SIDT1: variants seen among roughly 807,000 people sequenced by gnomAD.
SIDT1 encodes SID1 transmembrane family, member 1.
In SIDT1, 101 loss-of-function variants were observed where a neutral mutation model predicts 107.5. That is an observed-to-expected ratio of 0.94 (90% CI 0.80 to 1.11). SIDT1 has a LOEUF of 1.11. Ranked by LOEUF, SIDT1 falls within the 50% of genes least tolerant of loss-of-function variation. The pLI, the probability that SIDT1 is intolerant of heterozygous loss-of-function variation, is 0.00. For missense variants in SIDT1, 1,076 were observed against 1,058.2 expected (o/e 1.02, Z -0.23); for synonymous variants, 395 against 398.2 (o/e 0.99, Z 0.10).
At chr3:113,559,224 G>A (rs1006411398) in intron 1 of SIDT1, among the ~76,000 whole-genome samples, 11 of 152,188 alleles carry the variant, frequency 7.2e-5, no homozygotes, top group Non-Finnish European at 1.2e-4. Flanking sequence ...ATGCTTAAAT[G>A]TAATGTGAAC....
chr3:113,634,099 C>G (rs1947109384), downstream of SIDT1, among the ~76,000 whole-genome samples: 1 of 152,114 alleles, frequency 6.6e-6, no homozygotes, highest in Non-Finnish European at 1.5e-5. Context: ...CAGTTTTAAT[C>G]TCAGCAGAAA....
chr3:113,620,439 G>A (rs6785169), intron 21 of SIDT1, among the ~76,000 whole-genome samples: 1 of 151,852 alleles, frequency 6.6e-6, no homozygotes, highest in East Asian at 1.9e-4. Flanking sequence ...CCATAAGTAA[G>A]TTTAACTGCT....
At chr3:113,622,046 G>A (rs1946493789) in intron 21 of SIDT1, among the ~76,000 whole-genome samples, 1 of 152,162 alleles carries the variant, frequency 6.6e-6, no homozygotes, top group African/African-American at 2.4e-5. Flanking sequence ...TAATAAAATA[G>A]TGAGGCACCG....
intron 1 of SIDT1, among the ~76,000 whole-genome samples, chr3:113,554,054 A>G (rs1283416894): frequency 1.3e-5 from 2 of 152,160 alleles, no homozygotes; most frequent in African/African-American, 4.8e-5. Flanking sequence ...TTCCATCTCA[A>G]AAAAGAAAAG....
At chr3:113,607,019 C>T (rs758778058) in intron 14 of SIDT1, 22 bp from the exon 15 acceptor site, 14 of 1,537,476 alleles carry the variant, frequency 9.1e-6, no homozygotes, top group South Asian at 6.7e-5. Context: ...CACATTTCCT[C>T]TTCTCACTCT....
chr3:113,562,613 A>T (rs1205471041), intron 1 of SIDT1, among the ~76,000 whole-genome samples: 1 of 152,230 alleles, frequency 6.6e-6, no homozygotes. Flanking sequence ...AATAAGCTGG[A>T]TAGAGAAGGA....
Position 113,611,164 on chromosome 3 carries a change from C to T in SIDT1, c.1857+20C>T, listed in dbSNP as rs1288289974. 6.2e-7 allele frequency: 1 copy of T among 1,610,786 alleles called. No homozygotes were observed. The highest frequency in any genetic ancestry group is 2.2e-5 in the East Asian group (1 of 44,822). On this transcript the variant is annotated intron_variant, in intron 18 of 24. Transcript: ENST00000264852. The stretch of plus-strand genomic sequence containing the variant: ...GGAGTGGTGCGTCCCCCACCTTCTT[C>T]CACCTGGCTCTCGAAAAGTGCCCCC...
At chr3:113,621,849 G>T (rs772767068) in intron 21 of SIDT1, among the ~76,000 whole-genome samples, 1 of 152,220 alleles carries the variant, frequency 6.6e-6, no homozygotes, top group Non-Finnish European at 1.5e-5. Flanking sequence ...CTGGAGTGAT[G>T]TAATTGTTTC....
chr3:113,627,717 C>G lies in SIDT1; in HGVS notation c.*9C>G. On this transcript the variant is annotated 3_prime_UTR_variant, in exon 25 of 25. Transcript: ENST00000264852. ...AGATCCCTGTCTTCTGAACCTCCAACATTAAGAGAGGGGAGGGAGCGATCA... is the reference window on the plus strand; with the variant it reads ...AGATCCCTGTCTTCTGAACCTCCAAGATTAAGAGAGGGGAGGGAGCGATCA... 1 of 1,612,914 alleles carries G rather than the reference C, an allele frequency of 6.2e-7. No homozygotes were observed. The highest frequency in any genetic ancestry group is 8.5e-7 in the Non-Finnish European group (1 of 1,179,610).
At position 113,626,385 on chromosome 3, in the gene SIDT1, C is replaced by T. The variant is rs1226281458; in HGVS notation, c.2421+170C>T. Among the ~76,000 whole-genome samples, 3 of 151,660 alleles carry T rather than the reference C, an allele frequency of 2.0e-5. No homozygotes were observed. In the East Asian group the frequency reaches 5.8e-4, roughly 29 times the overall value. ...TTATTTCTTTCATAAATTTTATATCCTTTGGTTAGATCTTTAGTTTTTCTT... is the reference window on the plus strand; with the variant it reads ...TTATTTCTTTCATAAATTTTATATCTTTTGGTTAGATCTTTAGTTTTTCTT... On this transcript the variant is annotated intron_variant, in intron 24 of 24. Coordinates refer to ENST00000264852, the MANE Select transcript of SIDT1 (RefSeq NM_017699.3).
chr3:113,568,702 C>T (rs554988766), intron 3 of SIDT1, among the ~76,000 whole-genome samples: 1 of 152,170 alleles, frequency 6.6e-6, no homozygotes, highest in South Asian at 2.1e-4. Flanking sequence ...TTTGAAAGGC[C>T]TACATTCCAC....
chr3:113,538,604 T>C (rs375809500), intron 1 of SIDT1, among the ~76,000 whole-genome samples: 1 of 152,264 alleles, frequency 6.6e-6, no homozygotes, highest in East Asian at 1.9e-4. Flanking sequence ...AAATTAACTA[T>C]ATCTGTTTCT....
chr3:113,636,181 G>A, the SIDT1 span, among the ~76,000 whole-genome samples: 1 of 152,052 alleles, frequency 6.6e-6, no homozygotes, highest in Non-Finnish European at 1.5e-5. Flanking sequence ...GAGGGGGCCA[G>A]ATCACTTGAG....
chr3:113,610,434 G>A (rs1431989140), intron 17 of SIDT1, among the ~76,000 whole-genome samples: 1 of 152,176 alleles, frequency 6.6e-6, no homozygotes, highest in East Asian at 1.9e-4. Context: ...TCAAGTTTTT[G>A]AGTAAAATGG....
At chr3:113,588,495 G>C (rs1292246338) in intron 9 of SIDT1, among the ~76,000 whole-genome samples, 5 of 152,182 alleles carry the variant, frequency 3.3e-5, no homozygotes, top group Admixed American at 6.5e-5. Context: ...CGTGCTATGA[G>C]ATCAGGATAA....
At chr3:113,556,172 G>T (rs1201063408) in intron 1 of SIDT1, among the ~76,000 whole-genome samples, 2 of 152,118 alleles carry the variant, frequency 1.3e-5, no homozygotes, top group Non-Finnish European at 2.9e-5. Flanking sequence ...TAAAATCTAG[G>T]TCTATATATC....
intron 21 of SIDT1, among the ~76,000 whole-genome samples, chr3:113,622,605 T>G (rs974270886): frequency 9.9e-5 from 15 of 152,114 alleles, no homozygotes; most frequent in Non-Finnish European, 2.1e-4. Flanking sequence ...TTAGCATTAA[T>G]TTTAAAACCA....
intron 1 of SIDT1, among the ~76,000 whole-genome samples, chr3:113,545,633 C>G (rs1939503418): frequency 6.6e-6 from 1 of 152,176 alleles, no homozygotes. Context: ...CTTGCCTGTT[C>G]CATCATCCAG....
Position 113,533,202 on chromosome 3 carries a change from G to A in SIDT1, c.181G>A (p.Glu61Lys). Residue 61 changes from glutamate (E) to lysine (K), a missense_variant, in exon 1 of 25, where the codon GAG (glutamate) becomes AAG (lysine). Transcript: ENST00000264852. ...CAGCGGGGTGGTGAACCTCAGCACC[G>A]AGAACATCTACTCTTTCAACTACAC... Reference protein sequence around the residue: ...VYSGVVNLSTENIYSFNYTSQ... With the variant: ...VYSGVVNLSTKNIYSFNYTSQ... 6.5e-7 allele frequency: 1 copy of A among 1,541,764 alleles called. No individual in the cohort carries two copies. Among genetic ancestry groups the A allele is most frequent in the Non-Finnish European group, 8.7e-7 (1 of 1,144,946 alleles).
Sources: allele counts gnomAD v4.1 joint callset (sites outside exome capture counted in the v4.1 genomes callset), GRCh38; gene constraint gnomAD v4.1.1; transcripts MANE v1.5; gene names NCBI Gene and HGNC (gene_info 2026-07-23, HGNC 2026-07-21).